DPPA4: variants seen among roughly 807,000 people sequenced by gnomAD.
DPPA4 encodes developmental pluripotency-associated protein 4.
DPPA4 carries 22 observed loss-of-function variants against 33.7 expected under a neutral mutation model. The observed-to-expected ratio is 0.65, with a 90% CI of 0.47 to 0.93. DPPA4 has a LOEUF of 0.93. Among genes scored for constraint, DPPA4 ranks in the 40% least tolerant of loss-of-function variants. The pLI, the probability that DPPA4 is intolerant of heterozygous loss-of-function variation, is 0.00. For missense variants in DPPA4, 340 were observed against 358.6 expected (o/e 0.95, Z 0.42); for synonymous variants, 156 against 132.3 (o/e 1.18, Z -1.23).
rs747175895 is a variant in DPPA4, at chr3:109,328,037, T to C, written c.879-13A>G. 9 of 1,459,976 alleles carry C rather than the reference T, an allele frequency of 6.2e-6. No individual in the cohort carries two copies. Among genetic ancestry groups the C allele is most frequent in the Non-Finnish European group, 8.6e-6 (9 of 1,043,850 alleles). The allele number at this position is 1,459,976 out of a possible 1,614,324, so 90.4% of individuals were successfully genotyped here. A position where few individuals can be genotyped will look rare whatever the true frequency, so the allele number is the denominator to read the frequency against. On this transcript the variant is annotated splice_polypyrimidine_tract_variant and intron_variant, in intron 6 of 6. Transcript: ENST00000335658. ...TAAGACCTTGTTCCTATAAAGCAAATAAAGTATTTGTTTTTAAAAAGAATG... is the reference window on the plus strand; with the variant it reads ...TAAGACCTTGTTCCTATAAAGCAAACAAAGTATTTGTTTTTAAAAAGAATG...
chr3:109,333,738 T>C (rs953842913), intron 2 of DPPA4, 132 bp downstream of exon 2: 29 of 1,086,262 alleles, frequency 2.7e-5, no homozygotes, highest in Non-Finnish European at 3.6e-5. Context: ...CAGTTTAAGC[T>C]TGGCTTCCAT....
At position 109,327,291 on chromosome 3, in the gene DPPA4, G is replaced by A. The variant is rs544275516; in HGVS notation, c.*697C>T. On this transcript the variant is annotated 3_prime_UTR_variant, in exon 7 of 7. Transcript: ENST00000335658. ...TGAAGCAGCTCCTAAAGTAGTCAGT[G>A]TTCAGAGGAAGAGAAAATTGAGCAC... is the stretch of plus-strand genomic sequence containing the variant. 30 of 152,296 alleles carry A rather than the reference G, an allele frequency of 2.0e-4. No individual in the cohort carries two copies. Among genetic ancestry groups the A allele is most frequent in the Admixed American group, 2.0e-3 (30 of 15,278 alleles). 9.4% of individuals were successfully genotyped at this position (152,296 alleles called of 1,614,324 possible).
chr3:109,331,260 C>CAAAAAAAAAAAA (rs10593582), intron 4 of DPPA4, among the ~76,000 whole-genome samples: 19 of 58,386 alleles, frequency 3.3e-4, no homozygotes, highest in Non-Finnish European at 4.5e-4. Context: ...GACTCTGTCT[C>CAAAAAAAAAAAA]AAAAAAAAAA....
chr3:109,337,429 C>T (rs758876899), intron 1 of DPPA4, 35 bp downstream of exon 1: 68 of 1,603,526 alleles, frequency 4.2e-5, no homozygotes, highest in Non-Finnish European at 5.2e-5. Context: ...AACACAAAGA[C>T]AGACAGAAAA....
In DPPA4 at chr3:109,327,946, T is replaced by G; in HGVS notation, c.*42A>C. 7.0e-7 allele frequency: 1 copy of G among 1,426,468 alleles called. No individual in the cohort carries two copies. The highest frequency in any genetic ancestry group is 9.9e-7 in the Non-Finnish European group (1 of 1,013,270). 88.4% of individuals were successfully genotyped at this position (1,426,468 alleles called of 1,614,324 possible). A position where few individuals can be genotyped will look rare whatever the true frequency, so the allele number is the denominator to read the frequency against. On this transcript the variant is annotated 3_prime_UTR_variant, in exon 7 of 7. Transcript: ENST00000335658. ...CCGCAGAATCCAACTCTCCAGCTTT[T>G]CTGCCATTAATTACCATAGATGTGG... is the stretch of plus-strand genomic sequence containing the variant.
chr3:109,334,808 T>G (rs796449715), intron 1 of DPPA4, among the ~76,000 whole-genome samples: 6 of 152,238 alleles, frequency 3.9e-5, no homozygotes, highest in African/African-American at 1.4e-4. Flanking sequence ...AGTTGTTACA[T>G]TCCTCAGCCC....
At chr3:109,334,457 G>A (rs1173010403) in intron 1 of DPPA4, among the ~76,000 whole-genome samples, 1 of 151,976 alleles carries the variant, frequency 6.6e-6, no homozygotes, top group East Asian at 1.9e-4. Flanking sequence ...TGAGATAGGA[G>A]GATTGCTTGA....
At chr3:109,339,200 CAT>C (rs1491162245), upstream of DPPA4, among the ~76,000 whole-genome samples, 1 of 150,870 alleles carries the variant, frequency 6.6e-6, no homozygotes, top group Non-Finnish European at 1.5e-5. Flanking sequence ...CAAAATAAAA[CAT>C]AAAATAAAAA....
In DPPA4 at chr3:109,335,092, A is replaced by G. The variant is rs149591069; in HGVS notation, c.55-1099T>C. Among the ~76,000 whole-genome samples the G allele has an allele frequency of 3.3e-4, 50 of 152,334 alleles. No individual in the cohort carries two copies. In the East Asian group the frequency reaches 9.1e-3, roughly 28 times the overall value. The stretch of plus-strand genomic sequence containing the variant: ...GTTTAATCCAGAGACAGTAACATAT[A>G]TTGAGCCTCTGTCTCATACTAGGCA... On this transcript the variant is annotated intron_variant, in intron 1 of 6. Coordinates refer to ENST00000335658, the MANE Select transcript of DPPA4 (RefSeq NM_018189.4).
rs956877267 is a variant in DPPA4, at chr3:109,326,618, A to C, written c.*1370T>G. 4 of 152,218 alleles carry C rather than the reference A, an allele frequency of 2.6e-5. No individual in the cohort carries two copies. Among genetic ancestry groups the C allele is most frequent in the African/African-American group, 9.6e-5 (4 of 41,468 alleles). 9.4% of individuals were successfully genotyped at this position (152,218 alleles called of 1,614,324 possible). A position where few individuals can be genotyped will look rare whatever the true frequency, so the allele number is the denominator to read the frequency against. On this transcript the variant is annotated 3_prime_UTR_variant, in exon 7 of 7. Transcript: ENST00000335658. ...AAGATCCCCTACTTGTAATAACAAA[A>C]CAATGTTGGAAACTGTCATTAAATC...
chr3:109,333,875 C>G lies in DPPA4; in HGVS notation c.173G>C (p.Ser58Thr). Residue 58 changes from serine to threonine, a missense_variant, in exon 2 of 7, where the codon AGT becomes ACT. By Grantham distance (58) the Ser-to-Thr change is moderately conservative. Transcript: ENST00000335658. ...RTKEKMSIKG[S>T]KVLCPKKKAE... ...AGAATTTGAAGACCTCTTACCTTTA[C>G]TGCCTTTGATAGACATTTTTTCTTT... 6.2e-7 allele frequency: 1 copy of G among 1,614,004 alleles called. No individual in the cohort carries two copies. The highest frequency in any genetic ancestry group is 1.1e-5 in the South Asian group (1 of 91,060).
chr3:109,330,500 A>ATAAG (rs1428736288), intron 5 of DPPA4, 24 bp downstream of exon 5: 1 of 1,612,660 alleles, frequency 6.2e-7, no homozygotes, highest in African/African-American at 1.3e-5. Flanking sequence ...TTGGACCAGA[A>ATAAG]TAAGCTCTTC....
chr3:109,328,758 T>A, intron 6 of DPPA4, 132 bp downstream of exon 6: 1 of 847,956 alleles, frequency 1.2e-6, no homozygotes, highest in Non-Finnish European at 1.8e-6. Flanking sequence ...TGAGTAATAA[T>A]TTTCTTGAAA....
intron 1 of DPPA4, 152 bp from the exon 2 acceptor site, chr3:109,334,145 A>AGAG: frequency 1.2e-6 from 1 of 800,388 alleles, no homozygotes; most frequent in Non-Finnish European, 1.9e-6. Flanking sequence ...CTTAATACTC[A>AGAG]GTTTCATTTA....
At chr3:109,329,403 C>T (rs1331965208) in intron 5 of DPPA4, 4 of 244,938 alleles carry the variant, frequency 1.6e-5, no homozygotes, top group Admixed American at 5.1e-5. Context: ...GGCGTGGTGG[C>T]GGGGGCCTGT....
chr3:109,338,922 T>G (rs1396128136), upstream of DPPA4, among the ~76,000 whole-genome samples: 1 of 152,142 alleles, frequency 6.6e-6, no homozygotes, highest in Non-Finnish European at 1.5e-5. Flanking sequence ...CTGGGCATGG[T>G]GGCTCACGCC....
At position 109,326,432 on chromosome 3, in the gene DPPA4, G is replaced by C. The variant is rs1039353364; in HGVS notation, c.*1556C>G. On this transcript the variant is annotated 3_prime_UTR_variant, in exon 7 of 7. Transcript: ENST00000335658. ...AACGGCGGGGGCGGGCAGGAGAGAA[G>C]AACATCTTGCTTCTCAACAAACTTT... is the stretch of plus-strand genomic sequence containing the variant. The C allele has an allele frequency of 1.3e-5, 2 of 152,058 alleles. No homozygotes were observed. The highest frequency in any genetic ancestry group is 4.8e-5 in the African/African-American group (2 of 41,404). 9.4% of individuals were successfully genotyped at this position (152,058 alleles called of 1,614,324 possible).
intron 6 of DPPA4, among the ~76,000 whole-genome samples, chr3:109,328,609 G>A (rs964039013): frequency 6.6e-6 from 1 of 152,090 alleles, no homozygotes; most frequent in African/African-American, 2.4e-5. Flanking sequence ...TTTTTTGCTA[G>A]TCATTATTTC....
At chr3:109,334,869 T>A (rs1343703004) in intron 1 of DPPA4, among the ~76,000 whole-genome samples, 1 of 152,178 alleles carries the variant, frequency 6.6e-6, no homozygotes, top group Non-Finnish European at 1.5e-5. Flanking sequence ...ACCTTAAAAA[T>A]CTTACTCTTC....
Sources: gnomAD v4.1 joint callset for allele counts (sites outside exome capture counted in the v4.1 genomes callset) on GRCh38, gnomAD v4.1.1 for gene constraint, MANE v1.5 for transcripts, NCBI Gene and HGNC (gene_info 2026-07-23, HGNC 2026-07-21) for gene names.